The following MARCHF11 variants were observed in gnomAD, a reference collection of about 807,000 sequenced individuals.
MARCHF11 encodes the protein E3 ubiquitin-protein ligase MARCHF11.
In MARCHF11, 29 loss-of-function variants were observed where a neutral mutation model predicts 37.3. The observed-to-expected ratio is 0.78, with a 90% CI of 0.58 to 1.06. The LOEUF (loss-of-function observed/expected upper bound fraction) is 1.06. Among genes scored for constraint, MARCHF11 ranks in the 50% least tolerant of loss-of-function variants. The pLI is 0.00. For missense variants in MARCHF11, 482 were observed against 533.4 expected (o/e 0.90, Z 0.95); for synonymous variants, 233 against 228.0 (o/e 1.02, Z -0.20).
At chr5:16,109,523 A>G (rs1262298289) in intron 2 of MARCHF11, among the ~76,000 whole-genome samples, 2 of 152,238 alleles carry the variant, frequency 1.3e-5, no homozygotes, top group East Asian at 3.9e-4. Context: ...TGCTCCTCAC[A>G]TCCCTTGCCT....
chr5:16,105,160 T>G (rs1272965429), intron 2 of MARCHF11, among the ~76,000 whole-genome samples: 5 of 152,212 alleles, frequency 3.3e-5, no homozygotes, highest in African/African-American at 1.2e-4. Context: ...CTCCAAATCA[T>G]GTCTCCTTTC....
chr5:16,159,093 C>T (rs527617650), intron 2 of MARCHF11, among the ~76,000 whole-genome samples: 2 of 151,980 alleles, frequency 1.3e-5, no homozygotes, highest in African/African-American at 4.8e-5. Context: ...AATACAACTT[C>T]TATTCATCAT....
In MARCHF11 at chr5:16,128,750, TTG is replaced by T. The variant is rs771400188; in HGVS notation, c.694-37671_694-37670del. 9.2e-5 allele frequency among the ~76,000 whole-genome samples: 14 copies of T among 152,078 alleles called. 1 individual carries two copies. The highest frequency in any genetic ancestry group is 1.9e-4 in the Non-Finnish European group (13 of 67,994). ...CTGTTTATATGCCAAACTTGACTGTTTGTGTGTGTGTATGCATGTGTGTGTGA... is the reference window on the plus strand; with the variant it reads ...CTGTTTATATGCCAAACTTGACTGTTTGTGTGTGTATGCATGTGTGTGTGA... On this transcript the variant is annotated intron_variant, in intron 2 of 3. Coordinates refer to ENST00000332432, the MANE Select transcript of MARCHF11 (RefSeq NM_001102562.3).
intron 2 of MARCHF11, among the ~76,000 whole-genome samples, chr5:16,145,034 T>C (rs1468495740): frequency 1.3e-5 from 2 of 152,168 alleles, no homozygotes; most frequent in African/African-American, 2.4e-5. Context: ...CACTTAGACA[T>C]TACGGGTTAG....
At chr5:16,147,168 G>A (rs1737812659) in intron 2 of MARCHF11, among the ~76,000 whole-genome samples, 1 of 152,144 alleles carries the variant, frequency 6.6e-6, no homozygotes, top group African/African-American at 2.4e-5. Flanking sequence ...GTTTTGACTG[G>A]TGAATCTGTA....
intron 2 of MARCHF11, among the ~76,000 whole-genome samples, chr5:16,101,286 GA>G (rs919218930): frequency 2.6e-5 from 4 of 152,150 alleles, no homozygotes; most frequent in African/African-American, 9.7e-5. Context: ...TGAGGCAGGA[GA>G]GTGGCGTGAA....
intron 3 of MARCHF11, among the ~76,000 whole-genome samples, chr5:16,071,288 A>T (rs1185650050): frequency 1.3e-5 from 2 of 152,232 alleles, no homozygotes; most frequent in Non-Finnish European, 2.9e-5. Context: ...GCATGGATAT[A>T]AAAAATGTGA....
At chr5:16,127,448 T>G (rs1737430494) in intron 2 of MARCHF11, among the ~76,000 whole-genome samples, 1 of 152,180 alleles carries the variant, frequency 6.6e-6, no homozygotes, top group Non-Finnish European at 1.5e-5. Context: ...AGCTTGAATG[T>G]GAGCAAACGG....
At chr5:16,084,989 A>AGTGT (rs530675511) in intron 3 of MARCHF11, among the ~76,000 whole-genome samples, 3 of 128,670 alleles carry the variant, frequency 2.3e-5, no homozygotes, top group African/African-American at 8.6e-5. Flanking sequence ...CAGGGATCAG[A>AGTGT]GTGAGTGTGT....
intron 1 of MARCHF11, among the ~76,000 whole-genome samples, 199 bp downstream of exon 1, chr5:16,178,840 C>A (rs1179682324): frequency 6.6e-6 from 1 of 151,874 alleles, no homozygotes; most frequent in Non-Finnish European, 1.5e-5. Flanking sequence ...ACCCAGTATT[C>A]ACCACTGGGA....
chr5:16,160,452 T>A (rs889721856), intron 2 of MARCHF11, among the ~76,000 whole-genome samples: 6 of 148,196 alleles, frequency 4.0e-5, no homozygotes, highest in African/African-American at 1.5e-4. Context: ...ATCTTTTATA[T>A]TTTAGAGATG....
rs529114991 is a variant in MARCHF11 at position 16,141,263 on chromosome 5, T to C, written c.693+36463A>G. On this transcript the variant is annotated intron_variant, in intron 2 of 3. Transcript: ENST00000332432. ...ACTTACTCAGGGTGCGAATATTTAC[T>C]GAGTGTCTCTGTGGGGCCATACACT... The C allele has an allele frequency of 5.9e-5, 9 of 152,310 alleles. No individual in the cohort carries two copies. The East Asian group carries it at 1.7e-3, about 29-fold the overall frequency. The allele number at this position is 152,310 out of a possible 1,614,324, so 9.4% of individuals were successfully genotyped here. A position where few individuals can be genotyped will look rare whatever the true frequency, so the allele number is the denominator to read the frequency against.
At chr5:16,148,851 G>A (rs1737846590) in intron 2 of MARCHF11, among the ~76,000 whole-genome samples, 1 of 152,086 alleles carries the variant, frequency 6.6e-6, no homozygotes, top group African/African-American at 2.4e-5. Flanking sequence ...TCAGCCAACT[G>A]CATTTAAGTT....
chr5:16,179,157 T>C lies in MARCHF11; in HGVS notation c.419A>G (p.Glu140Gly). The C allele has an allele frequency of 4.2e-6, 6 of 1,439,888 alleles. No individual in the cohort carries two copies. The highest frequency in any genetic ancestry group is 5.4e-6 in the Non-Finnish European group (6 of 1,102,824). The allele number at this position is 1,439,888 out of a possible 1,614,324, so 89.2% of individuals were successfully genotyped here. Residue 140 changes from glutamate to glycine, a missense_variant, in exon 1 of 4, where the codon GAG (glutamate) becomes GGG (glycine). By Grantham distance (98) the Glu-to-Gly change is moderately conservative (BLOSUM62 -2). Coordinates refer to ENST00000332432, the MANE Select transcript of MARCHF11 (RefSeq NM_001102562.3). ...GCGGCTGCTGCACACCGAGCGCGTC[T>C]CGGGCTGGTCTCCGGCGCCCCGCCG... ...RERRGAGDQP[E>G]TRSVCSSRSS... is the part of the protein sequence containing the mutation.
intron 2 of MARCHF11, among the ~76,000 whole-genome samples, chr5:16,175,786 A>C (rs1380328694): frequency 6.6e-6 from 1 of 152,242 alleles, no homozygotes; most frequent in Non-Finnish European, 1.5e-5. Flanking sequence ...TTTCATCTCC[A>C]GCATGTTCTG....
intron 3 of MARCHF11, among the ~76,000 whole-genome samples, chr5:16,070,753 T>G (rs185868520): frequency 1.3e-5 from 2 of 152,338 alleles, no homozygotes. Flanking sequence ...GAAGTTTTCA[T>G]GAAGACACAG....
chr5:16,101,226 T>C (rs561711841), intron 2 of MARCHF11, among the ~76,000 whole-genome samples: 1 of 152,320 alleles, frequency 6.6e-6, no homozygotes, highest in African/African-American at 2.4e-5. Flanking sequence ...GTCTAGAAGT[T>C]GAAATAAAAA....
At chr5:16,081,074 C>T (rs1484886296) in intron 3 of MARCHF11, among the ~76,000 whole-genome samples, 1 of 152,104 alleles carries the variant, frequency 6.6e-6, no homozygotes, top group Non-Finnish European at 1.5e-5. Context: ...CTCTCGGGGC[C>T]CCATCCTAAT....
Position 16,177,798 on chromosome 5 carries a change from T to TC in MARCHF11, c.620dup (p.Gly208ArgfsTer6), listed in dbSNP as rs770092609. ...AGCAAAGTTCACAGGTCCAGGAACC[T>TC]CTCTCACTGATCCATTTTAGCAGGC... On this transcript the variant is annotated frameshift_variant, in exon 2 of 4. Coordinates refer to ENST00000332432, the MANE Select transcript of MARCHF11 (RefSeq NM_001102562.3). LOFTEE classifies it high-confidence loss of function. 1.9e-6 allele frequency: 3 copies of TC among 1,613,712 alleles called. No homozygotes were observed. The African/African-American group carries it at 4.0e-5, about 22-fold the overall frequency.
Sources: gnomAD v4.1 joint callset for allele counts (sites outside exome capture counted in the v4.1 genomes callset) on GRCh38, gnomAD v4.1.1 for gene constraint, MANE v1.5 for transcripts, NCBI Gene and HGNC (gene_info 2026-07-23, HGNC 2026-07-21) for gene names.